The following NFIB variants were observed in gnomAD, a reference collection of about 807,000 sequenced individuals.
NFIB encodes nuclear factor 1 B-type.
NFIB carries 11 observed loss-of-function variants against 61.5 expected under a neutral mutation model. The ratio of observed to expected loss-of-function variants is 0.18; its 90% CI spans 0.11 to 0.30. NFIB has a LOEUF of 0.30. NFIB is among the 10% of genes least tolerant of loss of function. NFIB has a pLI of 1.00. For missense variants in NFIB, 471 were observed against 608.9 expected, an observed-to-expected ratio of 0.77 and a Z score of 2.38; for synonymous variants, 260 against 216.5, an observed-to-expected ratio of 1.20 and a Z score of -1.76.
the NFIB span, among the ~76,000 whole-genome samples, chr9:14,409,885 A>C: frequency 2.6e-5 from 4 of 152,348 alleles, no homozygotes; most frequent in African/African-American, 9.6e-5. Flanking sequence ...TTAGGGATTT[A>C]GGATATGAAA....
Position 14,146,761 on chromosome 9 carries a change from G to C in NFIB, c.853C>G (p.Pro285Ala), listed in dbSNP as rs753895143. 1.2e-6 allele frequency: 2 copies of C among 1,606,336 alleles called. No individual in the cohort carries two copies. Among genetic ancestry groups the C allele is most frequent in the South Asian group, 1.1e-5 (1 of 88,612 alleles). The change falls in exon 6 of 11, where the codon CCT (proline) becomes GCT (alanine). Residue 285 changes from proline (P) to alanine (A), a missense_variant. Physicochemically the swap from Pro to Ala is conservative, Grantham distance 27. Coordinates refer to ENST00000380953, the MANE Select transcript of NFIB (RefSeq NM_001190737.2). ...ISIDENMEPS[P>A]TGDFYPSPSS... ...GGAGAGGGGTAAAAGTCTCCTGTAG[G>C]ACTTGGTTCCATATTTTCATCTATG...
the NFIB span, among the ~76,000 whole-genome samples, chr9:14,506,901 T>C: frequency 1.3e-5 from 2 of 152,270 alleles, no homozygotes; most frequent in African/African-American, 2.4e-5. Context: ...ACATAACTTA[T>C]TAGATGGACT....
intron 1 of NFIB, among the ~76,000 whole-genome samples, chr9:14,345,404 A>T (rs920776208): frequency 3.9e-5 from 6 of 152,178 alleles, no homozygotes; most frequent in Non-Finnish European, 7.3e-5. Context: ...CTTTTTCTTA[A>T]TCCCATCTTT....
the NFIB span, among the ~76,000 whole-genome samples, chr9:14,484,747 A>G: frequency 6.6e-6 from 1 of 152,212 alleles, no homozygotes; most frequent in South Asian, 2.1e-4. Flanking sequence ...CTCCATTCAG[A>G]TTAGAGGATT....
At chr9:14,098,253 G>A (rs926127954) in intron 10 of NFIB, among the ~76,000 whole-genome samples, 10 of 152,150 alleles carry the variant, frequency 6.6e-5, no homozygotes, top group Non-Finnish European at 1.2e-4. Context: ...TTAGCCATCT[G>A]AAGACTTCTT....
chr9:14,113,612 AAGG>A (rs1183241395), intron 9 of NFIB, among the ~76,000 whole-genome samples: 4 of 152,236 alleles, frequency 2.6e-5, no homozygotes, highest in African/African-American at 9.6e-5. Flanking sequence ...TACTATCATG[AAGG>A]AGAAGCCTGT....
chr9:14,526,659 A>G, the NFIB span, among the ~76,000 whole-genome samples: 1 of 152,246 alleles, frequency 6.6e-6, no homozygotes, highest in African/African-American at 2.4e-5. Context: ...AAATCACAGC[A>G]TAGAAAATAA....
chr9:14,145,130 G>C (rs1454781837), intron 6 of NFIB, among the ~76,000 whole-genome samples: 1 of 75,442 alleles, frequency 1.3e-5, no homozygotes, highest in Non-Finnish European at 2.4e-5. Flanking sequence ...TTCCGTCTGA[G>C]GGGGGGGTCT....
At chr9:14,122,489 T>G (rs959162909) in intron 7 of NFIB, among the ~76,000 whole-genome samples, 1 of 152,214 alleles carries the variant, frequency 6.6e-6, no homozygotes. Context: ...GCATCCTCCA[T>G]CAAATGTATG....
the NFIB span, among the ~76,000 whole-genome samples, chr9:14,500,672 A>G: frequency 2.5e-3 from 378 of 152,298 alleles, 2 homozygotes; most frequent in Admixed American, 5.8e-3. Flanking sequence ...ATCCAACTCA[A>G]TAAGTATTTC....
At chr9:14,187,210 T>C (rs2047471832) in intron 2 of NFIB, among the ~76,000 whole-genome samples, 1 of 152,094 alleles carries the variant, frequency 6.6e-6, no homozygotes, top group African/African-American at 2.4e-5. Context: ...TTTAACTTTA[T>C]CACTTTGTTA....
chr9:14,267,205 G>A (rs2057275171), intron 2 of NFIB, among the ~76,000 whole-genome samples: 1 of 152,048 alleles, frequency 6.6e-6, no homozygotes, highest in South Asian at 2.1e-4. Context: ...ATAGGAAAAA[G>A]GTAGTTTTAT....
intron 3 of NFIB, among the ~76,000 whole-genome samples, chr9:14,175,409 C>T (rs1046918835): frequency 3.3e-5 from 5 of 151,984 alleles, no homozygotes; most frequent in Non-Finnish European, 7.4e-5. Flanking sequence ...CTCCTGACCT[C>T]GTGATCCACT....
At chr9:14,447,024 T>C in the NFIB span, among the ~76,000 whole-genome samples, 16 of 152,180 alleles carry the variant, frequency 1.1e-4, no homozygotes, top group Non-Finnish European at 1.9e-4. Context: ...CATGCTTTTA[T>C]CACATATGAA....
chr9:14,164,298 TG>T (rs1384439281), intron 3 of NFIB, among the ~76,000 whole-genome samples: 3 of 152,100 alleles, frequency 2.0e-5, no homozygotes, highest in Non-Finnish European at 4.4e-5. Context: ...ATTTCATGGT[TG>T]TATGAACATC....
intron 1 of NFIB, among the ~76,000 whole-genome samples, chr9:14,333,104 C>A (rs1161118999): frequency 6.6e-6 from 1 of 152,196 alleles, no homozygotes; most frequent in Non-Finnish European, 1.5e-5. Flanking sequence ...ACCTTGGTCT[C>A]TCCTTGGCAG....
intron 6 of NFIB, among the ~76,000 whole-genome samples, chr9:14,137,868 A>T (rs919214178): frequency 2.0e-5 from 3 of 152,168 alleles, no homozygotes; most frequent in Non-Finnish European, 4.4e-5. Context: ...ATTTCAGAGC[A>T]AGGACTACAT....
intron 2 of NFIB, among the ~76,000 whole-genome samples, chr9:14,217,660 C>CAAAAAAAAAAAAAAAAAAAAAAAAAAAA (rs34055171): frequency 7.4e-5 from 6 of 81,504 alleles, no homozygotes; most frequent in East Asian, 5.4e-4. Flanking sequence ...AACTCCATCT[C>CAAAAAAAAAAAAAAAAAAAAAAAAAAAA]AAAAAAAAAA....
chr9:14,464,812 C>G, the NFIB span, among the ~76,000 whole-genome samples: 2 of 152,098 alleles, frequency 1.3e-5, no homozygotes, highest in African/African-American at 4.8e-5. Context: ...GCTGGCTGAG[C>G]GACCTTGTGA....
Sources: gnomAD v4.1 joint callset for allele counts (sites outside exome capture counted in the v4.1 genomes callset) on GRCh38, gnomAD v4.1.1 for gene constraint, MANE v1.5 for transcripts, NCBI Gene and HGNC (gene_info 2026-07-23, HGNC 2026-07-21) for gene names.